TIAM2: variants seen among roughly 807,000 people sequenced by gnomAD.
TIAM2 encodes the protein rho guanine nucleotide exchange factor TIAM2.
A neutral mutation model predicts 152.9 loss-of-function variants in TIAM2; 80 were observed. That is an observed-to-expected ratio of 0.52 (90% CI 0.44 to 0.63). The LOEUF is 0.63. Ranked by LOEUF, TIAM2 falls within the 30% of genes least tolerant of loss-of-function variation. The pLI, the probability that TIAM2 is intolerant of heterozygous loss-of-function variation, is 0.00. For missense variants in TIAM2, 1,965 were observed against 2,120.1 expected (o/e 0.93, Z 1.44); for synonymous variants, 804 against 838.0 (o/e 0.96, Z 0.70).
chr6:155,029,706 A>T (rs1436521546), intron 1 of TIAM2, among the ~76,000 whole-genome samples: 2 of 140,646 alleles, frequency 1.4e-5, no homozygotes, highest in South Asian at 4.3e-4. Flanking sequence ...GAGATATATA[A>T]CTATATACAG....
At position 155,240,817 on chromosome 6, in the gene TIAM2, A is replaced by AG. The variant is rs374406442; in HGVS notation, c.3348+115dup. 367 of 1,146,398 alleles carry AG rather than the reference A, an allele frequency of 3.2e-4. No homozygotes were observed. In the African/African-American group the frequency reaches 3.9e-3, roughly 12 times the overall value. 71.0% of individuals were successfully genotyped at this position (1,146,398 alleles called of 1,614,324 possible). On this transcript the variant is annotated intron_variant, in intron 16 of 26. Coordinates refer to ENST00000682666, the MANE Select transcript of TIAM2 (RefSeq NM_012454.4). ...CTGCCCAGGACACCTGCCACTCCCC[A>AG]GGGGGGGACACCTGCTCCTTGAATC...
chr6:155,172,316 T>G (rs1007809699), intron 9 of TIAM2, among the ~76,000 whole-genome samples: 1 of 151,998 alleles, frequency 6.6e-6, no homozygotes, highest in African/African-American at 2.4e-5. Flanking sequence ...AAAGGATGAT[T>G]CTCAGGAAGT....
chr6:155,124,722 C>T (rs557898185), intron 2 of TIAM2, among the ~76,000 whole-genome samples: 67 of 152,258 alleles, frequency 4.4e-4, no homozygotes, highest in African/African-American at 1.4e-3. Flanking sequence ...CAGTTGCTAT[C>T]CCCTTTTTAG....
intron 9 of TIAM2, among the ~76,000 whole-genome samples, chr6:155,172,206 T>C (rs1285096418): frequency 6.6e-6 from 1 of 152,180 alleles, no homozygotes; most frequent in Non-Finnish European, 1.5e-5. Flanking sequence ...TGACTGTGGC[T>C]GCAGCCCAGT....
At chr6:155,101,486 A>C (rs1401676386) in intron 2 of TIAM2, among the ~76,000 whole-genome samples, 3 of 152,142 alleles carry the variant, frequency 2.0e-5, no homozygotes, top group Non-Finnish European at 4.4e-5. Context: ...GGGTAAAAGT[A>C]ATTTATATTT....
At chr6:155,163,078 A>T (rs1439970594) in intron 7 of TIAM2, among the ~76,000 whole-genome samples, 1 of 152,162 alleles carries the variant, frequency 6.6e-6, no homozygotes, top group African/African-American at 2.4e-5. Context: ...CCAGTGTTGG[A>T]AATCCTTCAA....
At chr6:155,042,932 C>G in intron 1 of TIAM2, among the ~76,000 whole-genome samples, 1 of 152,134 alleles carries the variant, frequency 6.6e-6, no homozygotes, top group Non-Finnish European at 1.5e-5. Flanking sequence ...CTCCAGCCTC[C>G]CTCAGTTACT....
chr6:155,133,094 C>A lies in TIAM2; in HGVS notation c.1194+2677C>A, dbSNP rs536802706. 1.2e-3 allele frequency among the ~76,000 whole-genome samples: 189 copies of A among 152,326 alleles called. 3 individuals carry two copies. Among genetic ancestry groups the A allele is most frequent in the African/African-American group, 4.2e-3 (174 of 41,572 alleles). ...TTAGGGCCGGGTGTGGTGGCTCACG[C>A]CTGTCATCCCAGCACTTTGGGAGGC... On this transcript the variant is annotated intron_variant, in intron 4 of 26. Coordinates refer to ENST00000682666, the MANE Select transcript of TIAM2 (RefSeq NM_012454.4).
intron 1 of TIAM2, among the ~76,000 whole-genome samples, chr6:155,042,564 T>C (rs1032710022): frequency 1.3e-5 from 2 of 152,148 alleles, no homozygotes; most frequent in Non-Finnish European, 2.9e-5. Context: ...GCCGCTGCAG[T>C]CCAGCCTGTG....
At chr6:155,107,313 G>A (rs764135308) in intron 2 of TIAM2, among the ~76,000 whole-genome samples, 1 of 152,214 alleles carries the variant, frequency 6.6e-6, no homozygotes. Flanking sequence ...GGCAGCACAC[G>A]TTGCTGTGCA....
chr6:155,096,417 G>A lies in TIAM2; in HGVS notation c.-118+6038G>A, dbSNP rs533763321. On this transcript the variant is annotated intron_variant, in intron 2 of 26. Transcript: ENST00000682666. Reference sequence around the variant, plus strand: ...TTATAATACATTATTGTAAACTAGAGTCACTCTACTGATCTAACACTAGGT... The same window carrying A: ...TTATAATACATTATTGTAAACTAGAATCACTCTACTGATCTAACACTAGGT... 2.6e-5 allele frequency among the ~76,000 whole-genome samples: 4 copies of A among 152,226 alleles called. No homozygotes were observed. In the South Asian group the frequency reaches 6.2e-4, roughly 24 times the overall value.
intron 2 of TIAM2, among the ~76,000 whole-genome samples, chr6:155,109,762 G>A (rs1441777956): frequency 2.0e-5 from 3 of 152,100 alleles, no homozygotes; most frequent in Non-Finnish European, 2.9e-5. Flanking sequence ...CGACTTGTCC[G>A]AAGCCACAGA....
At chr6:155,029,339 A>G (rs1583159042) in intron 1 of TIAM2, among the ~76,000 whole-genome samples, 1 of 104,666 alleles carries the variant, frequency 9.6e-6, no homozygotes, top group South Asian at 2.6e-4. Flanking sequence ...TATGTGTTAT[A>G]TATAATATAT....
At chr6:155,169,058 C>G in intron 9 of TIAM2, 2 of 741,968 alleles carry the variant, frequency 2.7e-6, no homozygotes, top group Non-Finnish European at 4.1e-6. Context: ...TGCAGTGGCA[C>G]GATCTTGGCT....
rs1562340068 is a variant in TIAM2, at chr6:155,169,975, A to AGG, written c.2361+4567_2361+4568dup. ...CTGGGATTACAGGCACCTGCCACCAAGGCTGGCTAATTTTTGTATTTTTAG... is the reference window on the plus strand; with the variant it reads ...CTGGGATTACAGGCACCTGCCACCAAGGGGCTGGCTAATTTTTGTATTTTTAG... On this transcript the variant is annotated intron_variant, in intron 9 of 26. Coordinates refer to ENST00000682666, the MANE Select transcript of TIAM2 (RefSeq NM_012454.4). Among the ~76,000 whole-genome samples, 296 of 152,102 alleles carry AGG rather than the reference A, an allele frequency of 1.9e-3. 1 individual carries two copies. Among genetic ancestry groups the AGG allele is most frequent in the African/African-American group, 6.8e-3 (283 of 41,522 alleles).
At chr6:155,229,164 T>TA (rs1300804841) in intron 15 of TIAM2, among the ~76,000 whole-genome samples, 1 of 152,192 alleles carries the variant, frequency 6.6e-6, no homozygotes, top group African/African-American at 2.4e-5. Flanking sequence ...TTTATTGAGA[T>TA]ACTGAGTTTT....
At chr6:155,255,570 C>T (rs1276782725) in intron 26 of TIAM2, 1 of 151,966 alleles carries the variant, frequency 6.6e-6, no homozygotes, top group Admixed American at 6.6e-5. Flanking sequence ...TGTAGAAACA[C>T]CAAAACTGAG....
chr6:155,256,369 AGTCATAT>A, intron 26 of TIAM2, 108 bp from the exon 27 acceptor site: 2 of 1,455,890 alleles, frequency 1.4e-6, no homozygotes, highest in Non-Finnish European at 1.9e-6. Flanking sequence ...TGCTAACTGA[AGTCATAT>A]CATAAAATAA....
At chr6:155,058,234 T>C (rs1172006116) in intron 1 of TIAM2, among the ~76,000 whole-genome samples, 1 of 152,212 alleles carries the variant, frequency 6.6e-6, no homozygotes, top group Non-Finnish European at 1.5e-5. Context: ...TGTCTACATG[T>C]ATTTTAATGT....
Sources: gnomAD v4.1 joint callset for allele counts (sites outside exome capture counted in the v4.1 genomes callset) on GRCh38, gnomAD v4.1.1 for gene constraint, MANE v1.5 for transcripts, NCBI Gene and HGNC (gene_info 2026-07-23, HGNC 2026-07-21) for gene names.